Variants in SIDT2 observed in about 807,000 individuals in gnomAD.
SIDT2 encodes SID1 transmembrane family, member 2.
In SIDT2, 68 loss-of-function variants were observed where a neutral mutation model predicts 114.4. That is an observed-to-expected ratio of 0.59 (90% confidence interval 0.49 to 0.73). The LOEUF (loss-of-function observed/expected upper bound fraction) is 0.73. SIDT2 is among the 30% of genes least tolerant of loss of function. The probability of loss-of-function intolerance (pLI) is 0.00; values close to 1 mark genes in which losing one functional copy is unlikely to be tolerated. For missense variants in SIDT2, 918 were observed against 1,097.1 expected (o/e 0.84, Z 2.31); for synonymous variants, 470 against 438.4 (o/e 1.07, Z -0.90).
rs997833160 is a variant in SIDT2, at chr11:117,179,146, C to G, written c.-118C>G. The G allele has an allele frequency of 1.0e-6, 1 of 953,802 alleles. No homozygotes were observed. Among genetic ancestry groups the G allele is most frequent in the Non-Finnish European group, 1.5e-6 (1 of 648,140 alleles). The allele number at this position is 953,802 out of a possible 1,614,324, so 59.1% of individuals were successfully genotyped here. A position where few individuals can be genotyped will look rare whatever the true frequency, so the allele number is the denominator to read the frequency against. ...CTAATCTCAGGCCGGGGTTAAAGTT[C>G]TGGTCCTGGTGAGATGCTGGAAGCT... On this transcript the variant is annotated 5_prime_UTR_variant, in exon 1 of 26. Transcript: ENST00000324225.
chr11:117,195,307 G>C (rs1328384698), intron 24 of SIDT2, among the ~76,000 whole-genome samples: 3 of 152,070 alleles, frequency 2.0e-5, no homozygotes, highest in Admixed American at 1.3e-4. Flanking sequence ...GCCTGGATGA[G>C]CTTATGGGAT....
chr11:117,190,181 C>G lies in SIDT2; in HGVS notation c.1509C>G (p.Ile503Met). ...PLGNLSAFNN[I>M]LSNLGYILLG... Reference sequence around the variant, plus strand: ...CCCCTTCTAGCGCCTTCAACAACATCCTCAGCAACCTGGGGTACATCCTGC... The same window carrying G: ...CCCCTTCTAGCGCCTTCAACAACATGCTCAGCAACCTGGGGTACATCCTGC... The change falls in exon 17 of 26, where the codon ATC (isoleucine) becomes ATG (methionine). Residue 503 changes from isoleucine (I) to methionine (M), a missense_variant. Around this residue, in one of 4 missense-constraint regions of SIDT2, gnomAD observed 72 missense variants for 59.9 expected, o/e 1.20. Transcript: ENST00000324225. This position sits in a 1 kb window ranked among gnomAD's most constrained non-coding sequence, Gnocchi z 4.1. 3 of 1,578,554 alleles carry G rather than the reference C, an allele frequency of 1.9e-6. No individual in the cohort carries two copies. The highest frequency in any genetic ancestry group is 2.6e-6 in the Non-Finnish European group (3 of 1,162,186).
intron 18 of SIDT2, chr11:117,191,610 C>A (rs1281147193): frequency 2.2e-6 from 1 of 459,810 alleles, no homozygotes; most frequent in East Asian, 3.8e-5. Flanking sequence ...AGTCCCTGAT[C>A]TCAGGGTGCT....
chr11:117,190,180 T>A lies in SIDT2; in HGVS notation c.1508T>A (p.Ile503Asn), dbSNP rs1169403892. ...GCCCCTTCTAGCGCCTTCAACAACA[T>A]CCTCAGCAACCTGGGGTACATCCTG... ...PLGNLSAFNN[I>N]LSNLGYILLG... Residue 503 changes from isoleucine to asparagine, a missense_variant, in exon 17 of 26, where the codon ATC becomes AAC. Coordinates refer to ENST00000324225, the MANE Select transcript of SIDT2 (RefSeq NM_001040455.2). This position sits in a 1 kb window ranked among gnomAD's most constrained non-coding sequence, Gnocchi z 4.1. The A allele has an allele frequency of 6.3e-7, 1 of 1,578,712 alleles. No individual in the cohort carries two copies. Among genetic ancestry groups the A allele is most frequent in the Non-Finnish European group, 8.6e-7 (1 of 1,162,262 alleles).
intron 13 of SIDT2, 75 bp from the exon 14 acceptor site, chr11:117,189,094 T>C: frequency 6.8e-7 from 1 of 1,480,510 alleles, no homozygotes; most frequent in Non-Finnish European, 9.4e-7. Context: ...GAGGCCCCTC[T>C]TGTCCACCTC....
rs1377927592 is a variant in SIDT2, at chr11:117,183,771, T to C, written c.703-8T>C. ...ATGAAGAAGATATTTATCATCATCA[T>C]CCTGCAGCGCAAAGACTTCCCCAGC... On this transcript the variant is annotated splice_polypyrimidine_tract_variant and splice_region_variant and intron_variant, in intron 6 of 25. Coordinates refer to ENST00000324225, the MANE Select transcript of SIDT2 (RefSeq NM_001040455.2). 1.3e-6 allele frequency: 2 copies of C among 1,596,578 alleles called. No individual in the cohort carries two copies. Among genetic ancestry groups the C allele is most frequent in the Non-Finnish European group, 1.7e-6 (2 of 1,164,318 alleles).
chr11:117,185,893 A>ATAG lies in SIDT2; in HGVS notation c.869-237_869-236insTAG. The ATAG allele has an allele frequency of 2.2e-5, 4 of 184,912 alleles. 1 individual carries two copies. The highest frequency in any genetic ancestry group is 1.6e-4 in the Admixed American group (2 of 12,560). The allele number at this position is 184,912 out of a possible 1,614,324, so 11.5% of individuals were successfully genotyped here. ...TCTCAAAAAAAAAAAAAAAAAAAAA[A>ATAG]AAGTAGAAGAGAAAGTTCTAGCCCA... is the stretch of plus-strand genomic sequence containing the variant. On this transcript the variant is annotated intron_variant, in intron 8 of 25. Transcript: ENST00000324225.
rs1414413906 is a variant in SIDT2, at chr11:117,197,016, G to C, written c.*950G>C. 2 of 152,658 alleles carry C rather than the reference G, an allele frequency of 1.3e-5. No homozygotes were observed. Among genetic ancestry groups the C allele is most frequent in the African/African-American group, 4.8e-5 (2 of 41,474 alleles). The allele number at this position is 152,658 out of a possible 1,614,324, so 9.5% of individuals were successfully genotyped here. A position where few individuals can be genotyped will look rare whatever the true frequency, so the allele number is the denominator to read the frequency against. ...GGCACCCCAGTGCCTACCTTAGAAA[G>C]GGGCTTCAGGAAGGGATGTGCTGTT... On this transcript the variant is annotated 3_prime_UTR_variant, in exon 26 of 26. Transcript: ENST00000324225.
chr11:117,194,568 G>A (rs1349149235), intron 24 of SIDT2, among the ~76,000 whole-genome samples: 1 of 152,168 alleles, frequency 6.6e-6, no homozygotes, highest in Non-Finnish European at 1.5e-5. Context: ...TTTAATTCTG[G>A]GAATAGAACT....
intron 18 of SIDT2, 26 bp from the exon 19 acceptor site, chr11:117,191,852 G>C: frequency 6.2e-7 from 1 of 1,610,614 alleles, no homozygotes; most frequent in African/African-American, 1.3e-5. Flanking sequence ...CATTTCTGCA[G>C]CTCCCTTCCG....
At chr11:117,182,840 G>T (rs200339446) in intron 6 of SIDT2, 34 bp downstream of exon 6, 1 of 1,600,454 alleles carries the variant, frequency 6.2e-7, no homozygotes, top group Admixed American at 1.7e-5. Context: ...GGGAGGTGTG[G>T]CTGGGCGATA....
Position 117,189,726 on chromosome 11 carries a change from C to T in SIDT2, c.1420-226C>T, listed in dbSNP as rs1003312044. The T allele has an allele frequency of 6.6e-6, 4 of 603,310 alleles. No individual in the cohort carries two copies. The African/African-American group carries it at 7.4e-5, about 11-fold the overall frequency. 37.4% of individuals were successfully genotyped at this position (603,310 alleles called of 1,614,324 possible). On this transcript the variant is annotated intron_variant, in intron 15 of 25. Coordinates refer to ENST00000324225, the MANE Select transcript of SIDT2 (RefSeq NM_001040455.2). ...TGTCCCGTGGGGCAAGAACTTCCAT[C>T]ACGGTCATGCCTCAGGGTTTTCAGC...
At chr11:117,182,449 A>G (rs7946257) in intron 4 of SIDT2, 70 bp from the exon 5 acceptor site, 980,544 of 1,387,436 alleles carry the variant, frequency 0.71, 357,562 homozygotes, top group Non-Finnish European at 0.77. Flanking sequence ...ATAGGGGACT[A>G]TTCCCTTCTA....
intron 1 of SIDT2, among the ~76,000 whole-genome samples, chr11:117,180,136 T>G (rs1233274922): frequency 6.6e-6 from 1 of 152,208 alleles, no homozygotes; most frequent in Non-Finnish European, 1.5e-5. Context: ...ATTGGGAGAA[T>G]TCTTGCAACC....
rs896482929 is a variant in SIDT2, at chr11:117,188,606, C to T, written c.1160-102C>T. 4 of 909,304 alleles carry T rather than the reference C, an allele frequency of 4.4e-6. No individual in the cohort carries two copies. The highest frequency in any genetic ancestry group is 5.4e-6 in the Non-Finnish European group (3 of 559,640). The allele number at this position is 909,304 out of a possible 1,614,324, so 56.3% of individuals were successfully genotyped here. On this transcript the variant is annotated intron_variant, in intron 12 of 25. Transcript: ENST00000324225. This position sits in a 1 kb window ranked among gnomAD's most constrained non-coding sequence, Gnocchi z 4.0. ...CTGAGGCCCAGCCCACAATTTGCCT[C>T]TTCCCTACTGCCTAATAATTGTTAC...
At chr11:117,185,702 A>G (rs901187275) in intron 8 of SIDT2, among the ~76,000 whole-genome samples, 5 of 151,900 alleles carry the variant, frequency 3.3e-5, no homozygotes, top group African/African-American at 1.2e-4. Flanking sequence ...ACATAGCGAG[A>G]CCCAATCTCT....
At chr11:117,187,322 T>C (rs2030534169) in intron 10 of SIDT2, 56 bp from the exon 11 acceptor site, 1 of 1,526,422 alleles carries the variant, frequency 6.6e-7, no homozygotes, top group South Asian at 1.1e-5. Context: ...TTCTTCTCCC[T>C]GGCTCTAGGC....
intron 8 of SIDT2, among the ~76,000 whole-genome samples, chr11:117,185,065 T>C (rs10892085): frequency 0.63 from 90,358 of 144,480 alleles, 30,081 homozygotes; most frequent in Non-Finnish European, 0.76. Flanking sequence ...TTTTTTTTTT[T>C]CCGAGATGGA....
At chr11:117,182,325 G>A in intron 4 of SIDT2, 194 bp from the exon 5 acceptor site, 2 of 704,152 alleles carry the variant, frequency 2.8e-6, no homozygotes, top group South Asian at 3.7e-5. Context: ...TCTGCTGAGT[G>A]CCCTGCTGAG....
Sources: allele counts gnomAD v4.1 joint callset (sites outside exome capture counted in the v4.1 genomes callset), GRCh38; gene constraint gnomAD v4.1.1; regional missense constraint gnomAD v4.1.1; non-coding constraint Gnocchi (gnomAD v3.1); transcripts MANE v1.5; gene names NCBI Gene and HGNC (gene_info 2026-07-23, HGNC 2026-07-21).